Variants in PCDHA4 observed in about 807,000 individuals in gnomAD.
The protein encoded by PCDHA4 is protocadherin alpha-4.
PCDHA4 carries 49 observed loss-of-function variants against 61.4 expected under a neutral mutation model. That is an observed-to-expected ratio of 0.80 (90% CI 0.63 to 1.01). The LOEUF is 1.01. Ranked by LOEUF, PCDHA4 falls within the 50% of genes least tolerant of loss-of-function variation. PCDHA4 has a pLI of 0.00. For synonymous variants in PCDHA4, 590 were observed against 550.3 expected (o/e 1.07, Z -1.01); for missense variants, 1,254 against 1,235.8 (o/e 1.01, Z -0.22).
intron 1 of PCDHA4, among the ~76,000 whole-genome samples, chr5:140,924,575 T>C (rs1255232429): frequency 6.6e-6 from 1 of 152,078 alleles, no homozygotes; most frequent in East Asian, 1.9e-4. Flanking sequence ...TTTTTAAATG[T>C]TTTCAAATAT....
Position 140,807,735 on chromosome 5 carries a change from C to T in PCDHA4, c.548C>T (p.Pro183Leu), listed in dbSNP as rs781794809. 10 of 1,614,160 alleles carry T rather than the reference C, an allele frequency of 6.2e-6. No homozygotes were observed. In the East Asian group the frequency reaches 2.0e-4, roughly 32 times the overall value. Residue 183 changes from proline (P) to leucine (L), a missense_variant, in exon 1 of 4, where the codon CCA becomes CTA. Transcript: ENST00000530339. The part of the protein sequence containing the change: ...SPNEYFSLEK[P>L]PDDELVKGLG... ...AATGAATACTTTTCTCTGGAAAAAC[C>T]ACCTGATGACGAGCTGGTAAAAGGT...
chr5:140,996,803 G>A (rs2097746425), intron 3 of PCDHA4, among the ~76,000 whole-genome samples: 1 of 152,224 alleles, frequency 6.6e-6, no homozygotes, highest in African/African-American at 2.4e-5. Flanking sequence ...ATCCAATCAT[G>A]CTTTCCAAAA....
chr5:140,858,438 T>C (rs1175682550), intron 1 of PCDHA4: 1 of 1,540,812 alleles, frequency 6.5e-7, no homozygotes, highest in Admixed American at 2.0e-5. Context: ...TCTAGGAAGG[T>C]GGGTTATTAC....
In PCDHA4 at chr5:140,843,023, C is replaced by G. The variant is rs2150350362; in HGVS notation, c.2385+33451C>G. 1.3e-5 allele frequency: 21 copies of G among 1,595,146 alleles called. 2 individuals carry two copies. The highest frequency in any genetic ancestry group is 7.7e-5 in the South Asian group (7 of 90,508). On this transcript the variant is annotated intron_variant, in intron 1 of 3. Coordinates refer to ENST00000530339, the MANE Select transcript of PCDHA4 (RefSeq NM_018907.4). ...TGACAACGCGCCGGCACTGCTGGAG[C>G]CTCGGGTGGGTGGCACTGGTGGCGC...
At chr5:140,909,561 C>G (rs1281989854) in intron 1 of PCDHA4, among the ~76,000 whole-genome samples, 1 of 152,110 alleles carries the variant, frequency 6.6e-6, no homozygotes, top group Non-Finnish European at 1.5e-5. Flanking sequence ...TCTCTGCAAC[C>G]CATCCAGAGA....
At chr5:140,953,419 C>T (rs2094885258) in intron 1 of PCDHA4, among the ~76,000 whole-genome samples, 2 of 152,134 alleles carry the variant, frequency 1.3e-5, no homozygotes, top group Admixed American at 1.3e-4. Context: ...GGCTCCTCCC[C>T]TTTGTCCTTA....
intron 1 of PCDHA4, among the ~76,000 whole-genome samples, chr5:140,977,549 A>G (rs2096765562): frequency 6.6e-6 from 1 of 152,210 alleles, no homozygotes; most frequent in African/African-American, 2.4e-5. Flanking sequence ...TTGCATATGC[A>G]TATCTTGCTA....
In PCDHA4 at chr5:140,842,865, G is replaced by C; in HGVS notation, c.2385+33293G>C. ...TACATTTCGGTGCACACGGAGAGCG[G>C]CAAGGTGTACGCGCTGCAGCCGCTG... is the stretch of plus-strand genomic sequence containing the variant. On this transcript the variant is annotated intron_variant, in intron 1 of 3. Transcript: ENST00000530339. 6.3e-6 allele frequency: 10 copies of C among 1,593,986 alleles called. 1 individual carries two copies. Among genetic ancestry groups the C allele is most frequent in the Middle Eastern group, 2.1e-4 (1 of 4,754 alleles).
intron 1 of PCDHA4, chr5:140,967,632 A>G (rs371201664): frequency 1.9e-5 from 31 of 1,614,028 alleles, no homozygotes; most frequent in Admixed American, 1.7e-4. Context: ...GAGGGCTCCA[A>G]TGGTGAGCTC....
In PCDHA4 at chr5:141,000,418, TATA is replaced by T. The variant is rs1442097844; in HGVS notation, c.2534-9208_2534-9206del. 6.0e-3 allele frequency among the ~76,000 whole-genome samples: 500 copies of T among 83,616 alleles called. 3 individuals are homozygous for T. The highest frequency in any genetic ancestry group is 7.2e-3 in the African/African-American group (142 of 19,618). 54.9% of individuals were successfully genotyped at this position (83,616 alleles called of 152,430 possible). A position where few individuals can be genotyped will look rare whatever the true frequency, so the allele number is the denominator to read the frequency against. ...CTCTATATATATATATATATATATA[TATA>T]TTTTTTTTTTTTTTTTTTTTTTTGA... On this transcript the variant is annotated intron_variant, in intron 3 of 3. Coordinates refer to ENST00000530339, the MANE Select transcript of PCDHA4 (RefSeq NM_018907.4).
At chr5:140,881,235 T>C (rs2058632833) in intron 1 of PCDHA4, 1 of 352,648 alleles carries the variant, frequency 2.8e-6, no homozygotes, top group South Asian at 1.1e-4. Context: ...TTAAAGTCAA[T>C]TTAAATGACG....
chr5:140,944,255 A>G (rs1266795910), intron 1 of PCDHA4, among the ~76,000 whole-genome samples: 5 of 152,098 alleles, frequency 3.3e-5, no homozygotes, highest in African/African-American at 1.2e-4. Context: ...TGATGTGATC[A>G]CTGCTCACTG....
intron 1 of PCDHA4, chr5:140,863,365 G>A (rs2047972870): frequency 2.5e-6 from 3 of 1,201,540 alleles, no homozygotes; most frequent in South Asian, 2.4e-5. Flanking sequence ...GCGGTGCTTG[G>A]CGCAGCTCAC....
intron 1 of PCDHA4, chr5:140,857,619 A>G: frequency 6.3e-7 from 1 of 1,596,352 alleles, no homozygotes; most frequent in Non-Finnish European, 8.6e-7. Flanking sequence ...CCGCTGGACC[A>G]CGAGGAGCTG....
intron 1 of PCDHA4, among the ~76,000 whole-genome samples, chr5:140,839,780 T>G (rs1258121900): frequency 2.0e-5 from 3 of 152,092 alleles, no homozygotes; most frequent in African/African-American, 7.2e-5. Context: ...GGTAAGAATT[T>G]TGTAGAAATT....
chr5:140,822,016 G>A (rs1193134042), intron 1 of PCDHA4: 1 of 1,614,196 alleles, frequency 6.2e-7, no homozygotes, highest in Non-Finnish European at 8.5e-7. Flanking sequence ...TCTGCAGAAT[G>A]GCATTTTGTT....
In PCDHA4 at chr5:140,877,342, G is replaced by A. The variant is rs1462091033; in HGVS notation, c.2385+67770G>A. On this transcript the variant is annotated intron_variant, in intron 1 of 3. Coordinates refer to ENST00000530339, the MANE Select transcript of PCDHA4 (RefSeq NM_018907.4). ...GGTCGGCGCGCACATCCCGTTCCACGTGGGGCTGTACACTGGCGAGATCAG... is the reference window on the plus strand; with the variant it reads ...GGTCGGCGCGCACATCCCGTTCCACATGGGGCTGTACACTGGCGAGATCAG... 5 of 1,613,904 alleles carry A rather than the reference G, an allele frequency of 3.1e-6. No individual in the cohort carries two copies. The African/African-American group carries it at 6.7e-5, about 22-fold the overall frequency.
intron 1 of PCDHA4, chr5:140,835,998 G>T (rs2150249955): frequency 1.2e-6 from 2 of 1,613,382 alleles, no homozygotes; most frequent in Non-Finnish European, 1.7e-6. Flanking sequence ...GAGCGCGCGC[G>T]ATGCGGGCGT....
At chr5:140,862,839 G>A in intron 1 of PCDHA4, 1 of 574,670 alleles carries the variant, frequency 1.7e-6, no homozygotes, top group Non-Finnish European at 3.3e-6. Flanking sequence ...ACGCGGGCAT[G>A]CCGCCTCTGA....
Sources: gnomAD v4.1 joint callset for allele counts (sites outside exome capture counted in the v4.1 genomes callset) on GRCh38, gnomAD v4.1.1 for gene constraint, MANE v1.5 for transcripts, NCBI Gene and HGNC (gene_info 2026-07-23, HGNC 2026-07-21) for gene names.